STX16: variants seen among roughly 807,000 people sequenced by gnomAD.
STX16 encodes the protein syntaxin 16.
Under a neutral mutation model 42.7 loss-of-function variants are expected in STX16, and 28 were observed. That is an observed-to-expected ratio of 0.66 (90% confidence interval 0.49 to 0.90). The LOEUF is 0.90. Ranked by LOEUF, STX16 falls within the 40% of genes least tolerant of loss-of-function variation. The pLI is 0.00. For synonymous variants in STX16, 156 were observed against 155.2 expected (o/e 1.00, Z -0.04); for missense variants, 361 against 420.9 (o/e 0.86, Z 1.24).
chr20:58,668,733 G>C (rs562473657), intron 4 of STX16, among the ~76,000 whole-genome samples: 3 of 151,828 alleles, frequency 2.0e-5, no homozygotes, highest in Non-Finnish European at 4.4e-5. Flanking sequence ...TGTAAAATGG[G>C]ACTAATAATC....
intron 2 of STX16, among the ~76,000 whole-genome samples, chr20:58,661,730 G>A (rs1473779928): frequency 1.3e-5 from 2 of 152,248 alleles, no homozygotes; most frequent in South Asian, 2.1e-4. Context: ...CTAGGAGCAG[G>A]GGGTGTGGTT....
chr20:58,675,433 C>T (rs2084087898), intron 8 of STX16, among the ~76,000 whole-genome samples: 1 of 152,222 alleles, frequency 6.6e-6, no homozygotes, highest in African/African-American at 2.4e-5. Flanking sequence ...TGCTCTGCGT[C>T]TTTCGCCAGC....
chr20:58,663,990 A>T (rs529858151), intron 2 of STX16, among the ~76,000 whole-genome samples: 1 of 152,214 alleles, frequency 6.6e-6, no homozygotes, highest in African/African-American at 2.4e-5. Context: ...ACAAACCAAC[A>T]TCATATATTT....
Position 58,651,775 on chromosome 20 carries a change from T to G in STX16, c.-232T>G. On this transcript the variant is annotated 5_prime_UTR_variant, in exon 1 of 9. Coordinates refer to ENST00000371141, the MANE Select transcript of STX16 (RefSeq NM_001001433.3). ...GGATTCAAGTGCTTAGAGATCGAAGTCTGCCCTGGGTAGGGGGAGTCAGAC... is the reference window on the plus strand; with the variant it reads ...GGATTCAAGTGCTTAGAGATCGAAGGCTGCCCTGGGTAGGGGGAGTCAGAC... The G allele has an allele frequency of 2.0e-6, 1 of 487,846 alleles. No homozygotes were observed. Among genetic ancestry groups the G allele is most frequent in the Non-Finnish European group, 3.7e-6 (1 of 268,732 alleles). The allele number at this position is 487,846 out of a possible 1,614,324, so 30.2% of individuals were successfully genotyped here. A position where few individuals can be genotyped will look rare whatever the true frequency, so the allele number is the denominator to read the frequency against.
At chr20:58,672,225 G>A (rs1042342433) in intron 7 of STX16, among the ~76,000 whole-genome samples, 7 of 152,000 alleles carry the variant, frequency 4.6e-5, no homozygotes, top group Non-Finnish European at 7.4e-5. Context: ...ACAGCTACTC[G>A]GGAGGTTGAG....
At chr20:58,653,086 T>C (rs531820004) in intron 1 of STX16, among the ~76,000 whole-genome samples, 1 of 152,208 alleles carries the variant, frequency 6.6e-6, no homozygotes, top group South Asian at 2.1e-4. Context: ...AGTGAAGTTA[T>C]GAAACTGGCT....
rs201404941 is a variant in STX16, at chr20:58,655,861, AC to A, written c.132+3724del. 9.6e-4 allele frequency among the ~76,000 whole-genome samples: 146 copies of A among 152,252 alleles called. 2 individuals are homozygous for A. The East Asian group carries it at 0.027, about 28-fold the overall frequency. ...AGCATCCAGAACTGAGCAAAATTCT[AC>A]TTTTTTGTGTTCTTAGTTGTATTAA... On this transcript the variant is annotated intron_variant, in intron 1 of 8. Transcript: ENST00000371141.
intron 4 of STX16, 71 bp from the exon 5 acceptor site, chr20:58,669,220 T>G: frequency 6.6e-7 from 1 of 1,524,624 alleles, no homozygotes; most frequent in South Asian, 1.2e-5. Context: ...CACTCTGGCT[T>G]GTGATGTGGC....
chr20:58,654,060 A>G (rs979777864), intron 1 of STX16, among the ~76,000 whole-genome samples: 5 of 152,178 alleles, frequency 3.3e-5, no homozygotes, highest in African/African-American at 9.6e-5. Flanking sequence ...ATGTCAGGGT[A>G]TATACAGATA....
rs547767215 is a variant in STX16, at chr20:58,677,869, A to G, written c.*1578A>G. On this transcript the variant is annotated 3_prime_UTR_variant, in exon 9 of 9. Transcript: ENST00000371141. Reference sequence around the variant, plus strand: ...AAGTTGGTGCCACCTCCAGGTAGCCATTGGTGGTTTTCCTATTACTGATGT... The same window carrying G: ...AAGTTGGTGCCACCTCCAGGTAGCCGTTGGTGGTTTTCCTATTACTGATGT... The G allele has an allele frequency of 2.0e-5, 3 of 152,302 alleles. No individual in the cohort carries two copies. The highest frequency in any genetic ancestry group is 2.0e-4 in the Admixed American group (3 of 15,294). 9.4% of individuals were successfully genotyped at this position (152,302 alleles called of 1,614,324 possible). A position where few individuals can be genotyped will look rare whatever the true frequency, so the allele number is the denominator to read the frequency against.
intron 1 of STX16, among the ~76,000 whole-genome samples, chr20:58,659,176 A>G (rs980651272): frequency 6.6e-6 from 1 of 152,258 alleles, no homozygotes. Flanking sequence ...TTTACATGTT[A>G]AAATATACAT....
At chr20:58,665,195 T>C (rs2122963997) in intron 2 of STX16, among the ~76,000 whole-genome samples, 1 of 152,346 alleles carries the variant, frequency 6.6e-6, no homozygotes, top group East Asian at 1.9e-4. Flanking sequence ...TCTCTGTGCC[T>C]GCTCTGTAGA....
At chr20:58,666,797 C>T (rs1181987852) in intron 2 of STX16, among the ~76,000 whole-genome samples, 16 of 152,118 alleles carry the variant, frequency 1.1e-4, no homozygotes, top group Admixed American at 1.0e-3. Flanking sequence ...CAGGAACCAT[C>T]GATACCATTT....
At chr20:58,652,814 T>A (rs1291388445) in intron 1 of STX16, among the ~76,000 whole-genome samples, 1 of 151,940 alleles carries the variant, frequency 6.6e-6, no homozygotes, top group East Asian at 1.9e-4. Context: ...TCGAACTTTT[T>A]AAAAAAAGCC....
At chr20:58,674,498 G>C (rs2084056573) in intron 8 of STX16, among the ~76,000 whole-genome samples, 1 of 152,096 alleles carries the variant, frequency 6.6e-6, no homozygotes, top group Admixed American at 6.5e-5. Context: ...TGAGTGTTTT[G>C]CCAATTCACT....
intron 8 of STX16, 50 bp from the exon 9 acceptor site, chr20:58,676,137 T>G: frequency 6.6e-7 from 1 of 1,510,870 alleles, no homozygotes; most frequent in Non-Finnish European, 9.2e-7. Context: ...TGGGACTTGA[T>G]TTGGGATTTT....
intron 1 of STX16, chr20:58,652,376 C>CA (rs143155889): frequency 1.0e-5 from 6 of 587,194 alleles, no homozygotes; most frequent in South Asian, 6.7e-5. Context: ...GCAGCACCCC[C>CA]CCCCCCGCAC....
In STX16 at chr20:58,676,418, C is replaced by T. The variant is rs184148265; in HGVS notation, c.*127C>T. 7 of 788,588 alleles carry T rather than the reference C, an allele frequency of 8.9e-6. No homozygotes were observed. The Admixed American group carries it at 1.5e-4, about 17-fold the overall frequency. The allele number at this position is 788,588 out of a possible 1,614,324, so 48.8% of individuals were successfully genotyped here. A position where few individuals can be genotyped will look rare whatever the true frequency, so the allele number is the denominator to read the frequency against. Reference sequence around the variant, plus strand: ...ATCTGAGGGCGTCGGGGCAGCGAACCTTTGCATCCACGGACTCCTCCTTCC... The same window carrying T: ...ATCTGAGGGCGTCGGGGCAGCGAACTTTTGCATCCACGGACTCCTCCTTCC... On this transcript the variant is annotated 3_prime_UTR_variant, in exon 9 of 9. Coordinates refer to ENST00000371141, the MANE Select transcript of STX16 (RefSeq NM_001001433.3).
At chr20:58,668,692 A>G (rs2083898288) in intron 4 of STX16, among the ~76,000 whole-genome samples, 1 of 151,844 alleles carries the variant, frequency 6.6e-6, no homozygotes, top group Non-Finnish European at 1.5e-5. Flanking sequence ...CACGATTCTC[A>G]TTTAATCCCT....
Sources: gnomAD v4.1 joint callset for allele counts (sites outside exome capture counted in the v4.1 genomes callset) on GRCh38, gnomAD v4.1.1 for gene constraint, MANE v1.5 for transcripts, NCBI Gene and HGNC (gene_info 2026-07-23, HGNC 2026-07-21) for gene names.